CFAP47: variants seen among roughly 807,000 people sequenced by gnomAD.
CFAP47 encodes cilia- and flagella-associated protein 47.
In CFAP47, 29 loss-of-function variants were observed where a neutral mutation model predicts 148.1. That is an observed-to-expected ratio of 0.20 (90% CI 0.15 to 0.27). The LOEUF is 0.27. Among genes scored for constraint, CFAP47 ranks in the 10% least tolerant of loss-of-function variants. The pLI is 1.00. For synonymous variants in CFAP47, 664 were observed against 577.3 expected (o/e 1.15, Z -2.15); for missense variants, 1,872 against 1,697.5 (o/e 1.10, Z -1.81).
intron 22 of CFAP47, among the ~76,000 whole-genome samples, chrX:36,027,920 A>G (rs1295590383): frequency 9.0e-6 from 1 of 111,120 alleles, no homozygotes; most frequent in Non-Finnish European, 1.9e-5. Flanking sequence ...TGATGTTGAA[A>G]TGTTTTTCAT....
chrX:36,005,785 C>G (rs779580617), intron 21 of CFAP47, among the ~76,000 whole-genome samples: 4 of 110,220 alleles, frequency 3.6e-5, no homozygotes, highest in African/African-American at 6.6e-5. Context: ...TTTTAAAAAC[C>G]CTCTAAATAA....
chrX:36,248,211 A>G (rs1453882729), intron 48 of CFAP47, among the ~76,000 whole-genome samples: 1 of 106,107 alleles, frequency 9.4e-6, no homozygotes, highest in African/African-American at 3.4e-5. Flanking sequence ...TGTATTATAT[A>G]TCATATATGT....
intron 51 of CFAP47, among the ~76,000 whole-genome samples, chrX:36,288,999 C>CTTT (rs34230885): frequency 8.4e-4 from 56 of 66,417 alleles, no homozygotes; most frequent in African/African-American, 1.8e-3. Flanking sequence ...TTCTTTCATC[C>CTTT]TTTTTTTTTT....
At chrX:36,246,636 C>A (rs1940618774) in intron 48 of CFAP47, among the ~76,000 whole-genome samples, 1 of 111,551 alleles carries the variant, frequency 9.0e-6, no homozygotes, top group Non-Finnish European at 1.9e-5. Flanking sequence ...TTATCTCCAC[C>A]TGGTCCCGGT....
At position 36,003,967 on chromosome X, in the gene CFAP47, C is replaced by CTT. The variant is rs761024902; in HGVS notation, c.3417+2283_3417+2284dup. ...AAATCACTAGCATTTCTTTCTTTTT[C>CTT]TTTTTTTTTTTTTTTTTTTTTTTTA... On this transcript the variant is annotated intron_variant, in intron 21 of 63. Transcript: ENST00000378653. Among the ~76,000 whole-genome samples the CTT allele has an allele frequency of 8.8e-3, 582 of 66,362 alleles. 22 individuals are homozygous for CTT. Among genetic ancestry groups the CTT allele is most frequent in the African/African-American group, 0.036 (529 of 14,846 alleles). The allele number at this position is 66,362 out of a possible 115,157, so 57.6% of individuals were successfully genotyped here.
chrX:35,976,995 T>C (rs921612424), intron 15 of CFAP47, among the ~76,000 whole-genome samples: 2 of 111,798 alleles, frequency 1.8e-5, no homozygotes, highest in African/African-American at 6.5e-5. Context: ...CCTGTCAAAT[T>C]TGGCAAACAT....
At chrX:36,018,013 CT>C (rs1232422154) in intron 22 of CFAP47, among the ~76,000 whole-genome samples, 3 of 110,530 alleles carry the variant, frequency 2.7e-5, no homozygotes, top group African/African-American at 9.9e-5. Context: ...AATATCATCC[CT>C]TTTTTTGGCG....
At chrX:36,353,496 G>A (rs1556017849) in intron 59 of CFAP47, 33 bp from the exon 60 acceptor site, 2 of 1,135,831 alleles carry the variant, frequency 1.8e-6, no homozygotes, top group Non-Finnish European at 2.4e-6. Context: ...TCACCTACAA[G>A]TCAAGTTAAC....
intron 13 of CFAP47, 44 bp downstream of exon 13, chrX:35,972,009 A>G (rs1936500800): frequency 1.3e-6 from 1 of 770,726 alleles, no homozygotes; most frequent in Middle Eastern, 4.4e-4. Context: ...TTTTTTTATA[A>G]AAAAAAGATT....
intron 45 of CFAP47, among the ~76,000 whole-genome samples, chrX:36,215,767 A>G (rs941157203): frequency 3.6e-5 from 4 of 111,553 alleles, no homozygotes; most frequent in African/African-American, 1.3e-4. Flanking sequence ...GCTGGTGCTT[A>G]CCTTAGAGCA....
chrX:36,044,978 C>T (rs1937447619), intron 25 of CFAP47, among the ~76,000 whole-genome samples: 1 of 112,123 alleles, frequency 8.9e-6, no homozygotes, highest in Non-Finnish European at 1.9e-5. Context: ...AGTTTTCTTG[C>T]AGAGTCTTTT....
intron 48 of CFAP47, among the ~76,000 whole-genome samples, chrX:36,243,323 C>G (rs1465695008): frequency 9.1e-6 from 1 of 110,047 alleles, no homozygotes; most frequent in Non-Finnish European, 1.9e-5. Flanking sequence ...ATCAAAATTT[C>G]ACATATCAGT....
At position 36,079,507 on chromosome X, in the gene CFAP47, G is replaced by A. The variant is rs761554360; in HGVS notation, c.4692-5807G>A. 3.6e-5 allele frequency among the ~76,000 whole-genome samples: 4 copies of A among 111,472 alleles called. No individual in the cohort carries two copies. The South Asian group carries it at 1.5e-3, about 42-fold the overall frequency. ...TGTGCATGCATCACGTAGTTCTAGT[G>A]CCATGGTTTTCAGCTCCGTCTGGTT... is the stretch of plus-strand genomic sequence containing the variant. On this transcript the variant is annotated intron_variant, in intron 29 of 63. Transcript: ENST00000378653.
rs751687535 is a variant in CFAP47 at position 35,924,277 on chromosome X, G to GTA, written c.250-1736_250-1735dup. 7.8e-3 allele frequency among the ~76,000 whole-genome samples: 784 copies of GTA among 101,008 alleles called. 63 individuals are homozygous for GTA. The highest frequency in any genetic ancestry group is 0.031 in the African/African-American group (729 of 23,751). 87.7% of individuals were successfully genotyped at this position (101,008 alleles called of 115,157 possible). A position where few individuals can be genotyped will look rare whatever the true frequency, so the allele number is the denominator to read the frequency against. On this transcript the variant is annotated intron_variant, in intron 1 of 63. Coordinates refer to ENST00000378653, the MANE Select transcript of CFAP47 (RefSeq NM_001304548.2). ...TGGACATGTATGTGTACATGTATGT[G>GTA]TATATGTACATGTATGTGTACACAT...
chrX:35,919,989 G>A lies in CFAP47; in HGVS notation c.190G>A (p.Val64Met). ...AGRVYRLPIT[V>M]HNICRWNQKI... ...GAGGGTGTACCGCCTCCCGATTACT[G>A]TGCATAATATTTGCCGCTGGAACCA... Residue 64 changes from valine to methionine, a missense_variant, in exon 1 of 64, where the codon GTG (valine) becomes ATG (methionine). By Grantham distance (21) the Val-to-Met change is conservative. Transcript: ENST00000378653. The A allele has an allele frequency of 8.3e-7, 1 of 1,206,437 alleles. No homozygotes were observed. Among genetic ancestry groups the A allele is most frequent in the Middle Eastern group, 2.3e-4 (1 of 4,331 alleles).
intron 2 of CFAP47, among the ~76,000 whole-genome samples, chrX:35,934,660 T>G (rs776612226): frequency 9.0e-6 from 1 of 111,118 alleles, no homozygotes; most frequent in East Asian, 2.9e-4. Flanking sequence ...CAGCTGGGAA[T>G]GTGTTGAATC....
intron 27 of CFAP47, among the ~76,000 whole-genome samples, chrX:36,068,968 A>G (rs983233644): frequency 2.7e-5 from 3 of 109,686 alleles, no homozygotes; most frequent in African/African-American, 9.9e-5. Flanking sequence ...AAAAAAAAAA[A>G]AAAGAAAAAA....
At chrX:36,298,534 A>G (rs1370478874) in intron 51 of CFAP47, among the ~76,000 whole-genome samples, 1 of 105,135 alleles carries the variant, frequency 9.5e-6, no homozygotes, top group Non-Finnish European at 1.9e-5. Context: ...CAATGTGCAC[A>G]TGTACCCTAA....
At chrX:36,269,086 G>A (rs1017920015) in intron 49 of CFAP47, among the ~76,000 whole-genome samples, 4 of 111,671 alleles carry the variant, frequency 3.6e-5, no homozygotes, top group African/African-American at 9.8e-5. Flanking sequence ...CACTCTTTAC[G>A]CTTTTGTGAA....
Sources: allele counts gnomAD v4.1 joint callset (sites outside exome capture counted in the v4.1 genomes callset), GRCh38; gene constraint gnomAD v4.1.1; transcripts MANE v1.5; gene names NCBI Gene and HGNC (gene_info 2026-07-23, HGNC 2026-07-21).